The following ANKRD36 variants were observed in gnomAD, a reference collection of about 807,000 sequenced individuals.
ANKRD36 encodes the protein ankyrin repeat domain 36, also known as ankyrin repeat domain-containing protein 36A.
A neutral mutation model predicts 278.1 loss-of-function variants in ANKRD36; 179 were observed. That is an observed-to-expected ratio of 0.64 (90% CI 0.57 to 0.73). The LOEUF (loss-of-function observed/expected upper bound fraction) is 0.73, where lower values mean the gene tolerates loss of function less well. ANKRD36 is among the 30% of genes least tolerant of loss of function. The pLI is 0.00. For missense variants in ANKRD36, 1,159 were observed against 1,956.7 expected, an observed-to-expected ratio of 0.59 and a Z score of 7.69; for synonymous variants, 320 against 641.1, an observed-to-expected ratio of 0.50 and a Z score of 7.57.
At chr2:97,213,146 A>T (rs528879364) in intron 58 of ANKRD36, 1 of 356,370 alleles carries the variant, frequency 2.8e-6, no homozygotes, top group Non-Finnish European at 5.1e-6. Flanking sequence ...ATCACTTGGC[A>T]TATCCACATT....
At chr2:97,183,509 T>TTTTGAA (rs749526816) in intron 27 of ANKRD36, 22 bp downstream of exon 27, 10 of 1,556,426 alleles carry the variant, frequency 6.4e-6, no homozygotes, top group Non-Finnish European at 8.7e-6. Context: ...TTCATTTATA[T>TTTTGAA]TTTGAATTAT....
At chr2:97,133,435 T>A (rs1051460090) in intron 6 of ANKRD36, among the ~76,000 whole-genome samples, 5 of 152,054 alleles carry the variant, frequency 3.3e-5, no homozygotes, top group African/African-American at 1.2e-4. Flanking sequence ...AGTAAAATGG[T>A]TAGATAAAAT....
intron 75 of ANKRD36, among the ~76,000 whole-genome samples, chr2:97,263,465 GTTAAGGTC>G (rs1244300218): frequency 1.3e-5 from 1 of 78,130 alleles, no homozygotes; most frequent in Non-Finnish European, 2.1e-5. Flanking sequence ...TGAGGTACTT[GTTAAGGTC>G]TTTAGCTCAT....
chr2:97,201,611 A>G (rs879271971), intron 46 of ANKRD36, among the ~76,000 whole-genome samples: 2 of 151,964 alleles, frequency 1.3e-5, no homozygotes, highest in Admixed American at 1.3e-4. Flanking sequence ...AAATTATTAC[A>G]CCACATGGGT....
intron 42 of ANKRD36, among the ~76,000 whole-genome samples, chr2:97,197,616 T>C (rs977742711): frequency 1.6e-4 from 25 of 152,054 alleles, no homozygotes; most frequent in African/African-American, 4.6e-4. Context: ...AACAAGCCTA[T>C]TTTAGAAAGA....
intron 48 of ANKRD36, among the ~76,000 whole-genome samples, chr2:97,203,549 T>G (rs540701589): frequency 3.9e-4 from 59 of 151,984 alleles, no homozygotes; most frequent in African/African-American, 1.4e-3. Context: ...AGGTGATGAA[T>G]GTAGGACACT....
intron 22 of ANKRD36, among the ~76,000 whole-genome samples, chr2:97,175,228 A>G (rs1273332203): frequency 2.7e-5 from 4 of 149,000 alleles, no homozygotes; most frequent in Admixed American, 6.8e-5. Flanking sequence ...TACCTCTGGT[A>G]GAATTCGGCT....
intron 11 of ANKRD36, among the ~76,000 whole-genome samples, chr2:97,147,721 A>G (rs1263912923): frequency 1.3e-5 from 2 of 151,898 alleles, no homozygotes; most frequent in African/African-American, 4.8e-5. Flanking sequence ...TGTTGAACCT[A>G]ATGAAAGTGA....
intron 44 of ANKRD36, 132 bp from the exon 45 acceptor site, chr2:97,200,202 A>C: frequency 6.5e-7 from 1 of 1,549,418 alleles, no homozygotes. Context: ...ATCCCCAGAC[A>C]CAAAGTAGAA....
Position 97,243,926 on chromosome 2 carries a change from C to T in ANKRD36, c.4388C>T (p.Thr1463Ile), listed in dbSNP as rs770910775. 1.9e-6 allele frequency: 3 copies of T among 1,604,864 alleles called. No homozygotes were observed. The highest frequency in any genetic ancestry group is 2.5e-6 in the Non-Finnish European group (3 of 1,177,386). ...AAAGTTAGGGAAAAGTTAAGAATAACAGAAGAGCAATATAGGATAGAAGCT... is the reference window on the plus strand; with the variant it reads ...AAAGTTAGGGAAAAGTTAAGAATAATAGAAGAGCAATATAGGATAGAAGCT... Reference protein sequence around the residue: ...HQKVREKLRITEEQYRIEADV... With the variant: ...HQKVREKLRIIEEQYRIEADV... Residue 1463 changes from threonine (T) to isoleucine (I), a missense_variant, in exon 70 of 76, where the codon ACA (threonine) becomes ATA (isoleucine). Physicochemically the swap from Thr to Ile is moderately conservative, Grantham distance 89. Coordinates refer to ENST00000420699, the MANE Select transcript of ANKRD36 (RefSeq NM_001354587.1).
intron 56 of ANKRD36, 29 bp from the exon 57 acceptor site, chr2:97,211,517 A>T (rs769159287): frequency 1.4e-5 from 22 of 1,600,820 alleles, no homozygotes; most frequent in Admixed American, 1.7e-5. Context: ...TTTACATATG[A>T]GTGATTATGT....
intron 22 of ANKRD36, among the ~76,000 whole-genome samples, chr2:97,179,064 A>G (rs1401767105): frequency 2.0e-5 from 3 of 151,608 alleles, no homozygotes; most frequent in Admixed American, 1.3e-4. Context: ...TGAAGTTTAT[A>G]TATTATACCT....
chr2:97,203,932 A>T (rs1388937117), intron 48 of ANKRD36, 136 bp from the exon 49 acceptor site: 44 of 1,388,618 alleles, frequency 3.2e-5, no homozygotes, highest in Admixed American at 6.6e-5. Context: ...TCTAATCCCC[A>T]GACCAAAATT....
Position 97,155,243 on chromosome 2 carries a change from A to G in ANKRD36, c.1260+502A>G, listed in dbSNP as rs113335286. Among the ~76,000 whole-genome samples, 673 of 142,948 alleles carry G rather than the reference A, an allele frequency of 4.7e-3. 78 individuals carry two copies. The highest frequency in any genetic ancestry group is 7.9e-3 in the Non-Finnish European group (496 of 63,118). 93.8% of individuals were successfully genotyped at this position (142,948 alleles called of 152,430 possible). On this transcript the variant is annotated intron_variant, in intron 15 of 75. Coordinates refer to ENST00000420699, the MANE Select transcript of ANKRD36 (RefSeq NM_001354587.1). ...TACACCTATTTTAACATCATACAGTATTTTTGCAGAGAGCTACTTCTTTAT... is the reference window on the plus strand; with the variant it reads ...TACACCTATTTTAACATCATACAGTGTTTTTGCAGAGAGCTACTTCTTTAT...
intron 6 of ANKRD36, among the ~76,000 whole-genome samples, chr2:97,136,082 T>TG (rs2041425368): frequency 6.6e-6 from 1 of 151,186 alleles, no homozygotes; most frequent in Admixed American, 6.6e-5. Context: ...ATTAGAGGGT[T>TG]GGGACTTCCA....
chr2:97,172,893 A>T (rs1235155352), intron 22 of ANKRD36, among the ~76,000 whole-genome samples: 1 of 151,792 alleles, frequency 6.6e-6, no homozygotes, highest in African/African-American at 2.4e-5. Flanking sequence ...TGAAAACTGT[A>T]AATAGAGGAA....
chr2:97,233,819 T>A lies in ANKRD36; in HGVS notation c.4041T>A (p.Cys1347Ter). 4.9e-6 allele frequency: 7 copies of A among 1,436,950 alleles called. No homozygotes were observed. In the South Asian group the frequency reaches 8.2e-5, roughly 17 times the overall value. The allele number at this position is 1,436,950 out of a possible 1,614,324, so 89.0% of individuals were successfully genotyped here. Residue 1347 changes from cysteine to a stop codon, truncating the protein, a stop_gained, in exon 68 of 76, where the codon TGT becomes TGA. Transcript: ENST00000420699. LOFTEE classifies it high-confidence loss of function. ...TVSEDGDSLC[C>*]NCKNVILLID... ...CAGAGGACGGTGACTCGCTTTGCTG[T>A]AATTGTAAGAATGTCATATTACTCA...
At chr2:97,178,698 G>C (rs1450963567) in intron 22 of ANKRD36, among the ~76,000 whole-genome samples, 1 of 149,952 alleles carries the variant, frequency 6.7e-6, no homozygotes, top group Non-Finnish European at 1.5e-5. Context: ...GGAGGGGAGA[G>C]GGATAGCATT....
chr2:97,118,496 A>G lies in ANKRD36; in HGVS notation c.465A>G (p.Thr155=). The G allele has an allele frequency of 6.3e-7, 1 of 1,595,044 alleles. No individual in the cohort carries two copies. The highest frequency in any genetic ancestry group is 8.5e-7 in the Non-Finnish European group (1 of 1,172,152). ...SMIEKLLSHG[T]NIEECSKCEY... ...TAGAAAAACTTCTTTCACATGGTAC[A>G]AATATTGAAGAATGCAGCAAGGTAT... The change falls in exon 3 of 76, where the codon ACA becomes ACG. Residue 155 remains threonine (T), a synonymous_variant. Coordinates refer to ENST00000420699, the MANE Select transcript of ANKRD36 (RefSeq NM_001354587.1).
Sources: gnomAD v4.1 joint callset for allele counts (sites outside exome capture counted in the v4.1 genomes callset) on GRCh38, gnomAD v4.1.1 for gene constraint, MANE v1.5 for transcripts, NCBI Gene and HGNC (gene_info 2026-07-23, HGNC 2026-07-21) for gene names.